The following ADGRB3 variants were observed in gnomAD, a reference collection of about 807,000 sequenced individuals.
ADGRB3 encodes adhesion G protein-coupled receptor B3.
In ADGRB3, 37 loss-of-function variants were observed where a neutral mutation model predicts 193.4. The ratio of observed to expected loss-of-function variants is 0.19; its 90% CI spans 0.15 to 0.25. The LOEUF (loss-of-function observed/expected upper bound fraction) is 0.25, where lower values mean the gene tolerates loss of function less well. Among genes scored for constraint, ADGRB3 ranks in the 10% least tolerant of loss-of-function variants. ADGRB3 has a pLI of 1.00. For missense variants in ADGRB3, 1,637 were observed against 1,852.9 expected (o/e 0.88, Z 2.14); for synonymous variants, 690 against 644.2 (o/e 1.07, Z -1.08).
At chr6:68,954,069 G>T (rs1019983291) in intron 6 of ADGRB3, among the ~76,000 whole-genome samples, 4 of 152,102 alleles carry the variant, frequency 2.6e-5, no homozygotes, top group Non-Finnish European at 4.4e-5. Flanking sequence ...GTGGCATATG[G>T]GATTGTGCCT....
chr6:69,110,344 G>A (rs368548019), intron 17 of ADGRB3, among the ~76,000 whole-genome samples: 59 of 152,260 alleles, frequency 3.9e-4, no homozygotes, highest in East Asian at 1.5e-3. Flanking sequence ...CTGAGTTAAA[G>A]ATAGAATAAG....
In ADGRB3 at chr6:69,024,545, T is replaced by C. The variant is rs985316409; in HGVS notation, c.2107+6046T>C. Reference sequence around the variant, plus strand: ...CAACTGTTCCTTAGGAATTATTTGATGCTGAAAATATCAAATAAGAAGGGA... The same window carrying C: ...CAACTGTTCCTTAGGAATTATTTGACGCTGAAAATATCAAATAAGAAGGGA... On this transcript the variant is annotated intron_variant, in intron 13 of 31. Coordinates refer to ENST00000370598, the MANE Select transcript of ADGRB3 (RefSeq NM_001704.3). Among the ~76,000 whole-genome samples the C allele has an allele frequency of 2.0e-5, 3 of 152,204 alleles. No individual in the cohort carries two copies. The East Asian group carries it at 5.8e-4, about 29-fold the overall frequency.
intron 3 of ADGRB3, among the ~76,000 whole-genome samples, chr6:68,843,135 C>A (rs970279108): frequency 2.6e-5 from 4 of 151,488 alleles, no homozygotes; most frequent in African/African-American, 9.7e-5. Flanking sequence ...TAAGGATGCG[C>A]ACTTTCACTA....
At chr6:69,300,870 T>C (rs923809551) in intron 20 of ADGRB3, among the ~76,000 whole-genome samples, 6 of 151,814 alleles carry the variant, frequency 4.0e-5, no homozygotes, top group Admixed American at 1.3e-4. Context: ...ACTATCATGA[T>C]GATTACATTT....
intron 20 of ADGRB3, among the ~76,000 whole-genome samples, chr6:69,279,872 G>A (rs1416083596): frequency 1.3e-5 from 2 of 152,064 alleles, no homozygotes; most frequent in Non-Finnish European, 2.9e-5. Context: ...ATACTAGGTA[G>A]CCAGTACTCC....
At chr6:68,640,278 A>G (rs551401800) in intron 3 of ADGRB3, among the ~76,000 whole-genome samples, 1 of 152,248 alleles carries the variant, frequency 6.6e-6, no homozygotes, top group South Asian at 2.1e-4. Flanking sequence ...GGGGGAAAGG[A>G]GGGGGAGGAA....
intron 17 of ADGRB3, among the ~76,000 whole-genome samples, chr6:69,113,350 T>C (rs1054114901): frequency 1.3e-5 from 2 of 152,022 alleles, no homozygotes; most frequent in African/African-American, 4.8e-5. Flanking sequence ...TATTTATATG[T>C]GTATATGTAT....
intron 8 of ADGRB3, among the ~76,000 whole-genome samples, chr6:68,973,175 G>A (rs923937351): frequency 6.6e-6 from 1 of 152,200 alleles, no homozygotes; most frequent in African/African-American, 2.4e-5. Flanking sequence ...TGTGGGAAAA[G>A]AAAAGGAAGA....
intron 4 of ADGRB3, 120 bp from the exon 5 acceptor site, chr6:68,936,399 T>A: frequency 9.7e-7 from 1 of 1,035,646 alleles, no homozygotes; most frequent in African/African-American, 1.6e-5. Flanking sequence ...TACCTTTTGA[T>A]GTATGGTCAT....
intron 29 of ADGRB3, among the ~76,000 whole-genome samples, chr6:69,366,140 T>C (rs1236347794): frequency 6.6e-6 from 1 of 152,114 alleles, no homozygotes; most frequent in Non-Finnish European, 1.5e-5. Flanking sequence ...CTTTTACATT[T>C]TTTTTCTCAT....
At chr6:68,922,993 C>A (rs1208927034) in intron 3 of ADGRB3, among the ~76,000 whole-genome samples, 1 of 151,964 alleles carries the variant, frequency 6.6e-6, no homozygotes, top group Admixed American at 6.6e-5. Flanking sequence ...GATCTTAGTT[C>A]ATTTCTGAAA....
At chr6:69,109,483 A>C (rs1434141368) in intron 17 of ADGRB3, among the ~76,000 whole-genome samples, 4 of 152,340 alleles carry the variant, frequency 2.6e-5, no homozygotes, top group Non-Finnish European at 2.9e-5. Flanking sequence ...ATAAGAAGTA[A>C]TACTGATTAC....
chr6:69,108,500 G>T (rs1773278749), intron 17 of ADGRB3, among the ~76,000 whole-genome samples: 1 of 151,524 alleles, frequency 6.6e-6, no homozygotes, highest in African/African-American at 2.4e-5. Context: ...ACTTCTTTCA[G>T]CTTGCAATGC....
At chr6:68,740,622 G>C (rs1765961309) in intron 3 of ADGRB3, among the ~76,000 whole-genome samples, 1 of 152,106 alleles carries the variant, frequency 6.6e-6, no homozygotes, top group Non-Finnish European at 1.5e-5. Context: ...TCATGTCCTT[G>C]TATGGGCCAC....
chr6:69,141,678 G>A (rs989750367), intron 17 of ADGRB3, among the ~76,000 whole-genome samples: 1 of 152,092 alleles, frequency 6.6e-6, no homozygotes, highest in Non-Finnish European at 1.5e-5. Context: ...GTGGAACCGT[G>A]AAGATCATCA....
intron 3 of ADGRB3, among the ~76,000 whole-genome samples, chr6:68,725,242 T>C (rs999595179): frequency 4.6e-5 from 7 of 151,644 alleles, no homozygotes; most frequent in Admixed American, 1.3e-4. Flanking sequence ...TTGAAGGATG[T>C]TAGAGGATAT....
At chr6:68,972,622 G>T (rs746579709) in intron 8 of ADGRB3, among the ~76,000 whole-genome samples, 1 of 150,132 alleles carries the variant, frequency 6.7e-6, no homozygotes, top group Non-Finnish European at 1.5e-5. Context: ...GTGCTAACTC[G>T]TAGGTGGTTG....
chr6:69,108,999 A>T (rs987890266), intron 17 of ADGRB3, among the ~76,000 whole-genome samples: 1 of 152,142 alleles, frequency 6.6e-6, no homozygotes, highest in African/African-American at 2.4e-5. Context: ...CTGCACCAAC[A>T]CCCTACTAAC....
intron 17 of ADGRB3, among the ~76,000 whole-genome samples, chr6:69,223,541 C>CA (rs1561957935): frequency 6.6e-6 from 1 of 151,616 alleles, no homozygotes; most frequent in African/African-American, 2.4e-5. Flanking sequence ...CAAGCCACAC[C>CA]ATAATTATAA....
Sources: gnomAD v4.1 joint callset for allele counts (sites outside exome capture counted in the v4.1 genomes callset) on GRCh38, gnomAD v4.1.1 for gene constraint, MANE v1.5 for transcripts, NCBI Gene and HGNC (gene_info 2026-07-23, HGNC 2026-07-21) for gene names.